The following LRRFIP1 variants were observed in gnomAD, a reference collection of about 807,000 sequenced individuals.
LRRFIP1 encodes LRR binding FLII interacting protein 1, also known as leucine-rich repeat flightless-interacting protein 1.
In LRRFIP1, 62 loss-of-function variants were observed where a neutral mutation model predicts 104.4. That is an observed-to-expected ratio of 0.59 (90% CI 0.48 to 0.73). The LOEUF (loss-of-function observed/expected upper bound fraction) is 0.73, where lower values mean the gene tolerates loss of function less well. Ranked by LOEUF, LRRFIP1 falls within the 30% of genes least tolerant of loss-of-function variation. The pLI is 0.00. For synonymous variants in LRRFIP1, 300 were observed against 299.0 expected (o/e 1.00, Z -0.03); for missense variants, 796 against 824.5 (o/e 0.97, Z 0.42).
intron 1 of LRRFIP1, among the ~76,000 whole-genome samples, chr2:237,685,067 C>T (rs1035964484): frequency 5.3e-5 from 8 of 151,882 alleles, no homozygotes; most frequent in African/African-American, 1.9e-4. Flanking sequence ...CATTGCACTC[C>T]AACCTGACAC....
At chr2:237,658,990 C>T (rs925314462) in intron 1 of LRRFIP1, among the ~76,000 whole-genome samples, 1 of 152,062 alleles carries the variant, frequency 6.6e-6, no homozygotes, top group Admixed American at 6.5e-5. Flanking sequence ...GTCAATGGTA[C>T]AAAACGGAAA....
intron 1 of LRRFIP1, among the ~76,000 whole-genome samples, chr2:237,670,209 G>A (rs746031089): frequency 6.6e-6 from 1 of 152,240 alleles, no homozygotes; most frequent in Non-Finnish European, 1.5e-5. Context: ...AAGCAGTGTC[G>A]ATCAACAGGA....
chr2:237,695,061 G>T (rs1371908079), intron 1 of LRRFIP1, among the ~76,000 whole-genome samples: 1 of 152,192 alleles, frequency 6.6e-6, no homozygotes, highest in Non-Finnish European at 1.5e-5. Flanking sequence ...AGGCGGGCTG[G>T]CCCTGCTCTA....
At chr2:237,707,461 G>GAAAAAAA (rs112902148) in intron 1 of LRRFIP1, among the ~76,000 whole-genome samples, 1 of 82,544 alleles carries the variant, frequency 1.2e-5, no homozygotes, top group Non-Finnish European at 3.0e-5. Flanking sequence ...AAAGGAAAAA[G>GAAAAAAA]AAAAAAAAAA....
intron 2 of LRRFIP1, among the ~76,000 whole-genome samples, chr2:237,712,564 T>C (rs1452888655): frequency 6.6e-6 from 1 of 152,242 alleles, no homozygotes; most frequent in Non-Finnish European, 1.5e-5. Context: ...AGCTGTGCTT[T>C]TATGTGACCC....
At chr2:237,698,376 G>A (rs531887665) in intron 1 of LRRFIP1, among the ~76,000 whole-genome samples, 1 of 152,362 alleles carries the variant, frequency 6.6e-6, no homozygotes, top group African/African-American at 2.4e-5. Flanking sequence ...CAAGCTGGAG[G>A]CTGTGGCTGG....
At chr2:237,765,435 TAAAAAAAA>T (rs60482580) in intron 19 of LRRFIP1, 10 of 453,648 alleles carry the variant, frequency 2.2e-5, no homozygotes, top group African/African-American at 3.7e-5. Context: ...ACACTGTCTC[TAAAAAAAA>T]AAAAAAAAAA....
chr2:237,712,639 G>T (rs1305341280), intron 2 of LRRFIP1, among the ~76,000 whole-genome samples: 1 of 151,934 alleles, frequency 6.6e-6, no homozygotes, highest in Non-Finnish European at 1.5e-5. Context: ...GTGTGTGCGT[G>T]TGCATGTGTG....
rs759357091 is a variant in LRRFIP1, at chr2:237,779,493, A to G, written c.1884A>G (p.Lys628=). 1.9e-6 allele frequency: 3 copies of G among 1,613,748 alleles called. No homozygotes were observed. Among genetic ancestry groups the G allele is most frequent in the Non-Finnish European group, 2.5e-6 (3 of 1,179,720 alleles). ...GCCACTTAGTGAAGCGTCTGGAAAA[A>G]ATGAAAGCAAATCGGAGTGCACTCT... ...SNGHLVKRLE[K]MKANRSALLS... is the part of the protein sequence containing the mutation. Residue 628 remains lysine (K), a synonymous_variant, in exon 24 of 24, where the codon AAA becomes AAG. Coordinates refer to ENST00000308482, the MANE Select transcript of LRRFIP1 (RefSeq NM_001137550.2).
chr2:237,723,684 C>T, intron 7 of LRRFIP1, 98 bp downstream of exon 7: 1 of 1,471,108 alleles, frequency 6.8e-7, no homozygotes, highest in Non-Finnish European at 9.5e-7. Flanking sequence ...TGCTTTGTCT[C>T]CAGTTTTTGC....
At chr2:237,757,873 T>A (rs1245571901) in intron 17 of LRRFIP1, among the ~76,000 whole-genome samples, 2 of 151,848 alleles carry the variant, frequency 1.3e-5, no homozygotes, top group Non-Finnish European at 2.9e-5. Context: ...GGAGGTCTGA[T>A]GTGTGCAAGT....
chr2:237,770,518 G>C (rs552914066), intron 20 of LRRFIP1: 8 of 155,192 alleles, frequency 5.2e-5, no homozygotes, highest in Admixed American at 1.9e-4. Flanking sequence ...AGCAGGCCAG[G>C]TGCAGTGGCT....
intron 1 of LRRFIP1, among the ~76,000 whole-genome samples, chr2:237,699,480 G>A (rs1409886027): frequency 6.6e-6 from 1 of 151,888 alleles, no homozygotes; most frequent in Non-Finnish European, 1.5e-5. Context: ...AGCCTCCTGA[G>A]TAGCTGGGAT....
intron 1 of LRRFIP1, among the ~76,000 whole-genome samples, chr2:237,645,921 T>C (rs2084837961): frequency 6.6e-6 from 1 of 151,974 alleles, no homozygotes; most frequent in Admixed American, 6.6e-5. Context: ...GCAAATGGAC[T>C]GGTCCCTAAG....
chr2:237,716,043 A>G (rs2094321814), intron 3 of LRRFIP1, among the ~76,000 whole-genome samples: 1 of 152,240 alleles, frequency 6.6e-6, no homozygotes, highest in Admixed American at 6.5e-5. Context: ...AAAGAAATCT[A>G]TGAAAACAGA....
chr2:237,692,463 G>C, intron 1 of LRRFIP1: 1 of 1,531,330 alleles, frequency 6.5e-7, no homozygotes, highest in Non-Finnish European at 8.8e-7. Flanking sequence ...AGGATGACCA[G>C]CCCCGCGGCC....
In LRRFIP1 at chr2:237,642,129, G is replaced by A. The variant is rs766114773; in HGVS notation, c.96+14389G>A. ...GTCTCAGTGTTTCCACCTGGCAAGGGGAGGCGATACTGGGTGGCTGTGAGG... is the reference window on the plus strand; with the variant it reads ...GTCTCAGTGTTTCCACCTGGCAAGGAGAGGCGATACTGGGTGGCTGTGAGG... On this transcript the variant is annotated intron_variant, in intron 1 of 23. Coordinates refer to ENST00000308482, the MANE Select transcript of LRRFIP1 (RefSeq NM_001137550.2). Among the ~76,000 whole-genome samples, 4 of 152,210 alleles carry A rather than the reference G, an allele frequency of 2.6e-5. No homozygotes were observed. The East Asian group carries it at 5.8e-4, about 22-fold the overall frequency.
chr2:237,628,329 A>G (rs561921732), intron 1 of LRRFIP1, among the ~76,000 whole-genome samples: 1 of 152,364 alleles, frequency 6.6e-6, no homozygotes, highest in African/African-American at 2.4e-5. Context: ...AAACGTCTTC[A>G]TTAAAGTTTC....
chr2:237,757,683 A>T (rs1364059414), intron 17 of LRRFIP1, 135 bp downstream of exon 17: 1 of 676,400 alleles, frequency 1.5e-6, no homozygotes. Context: ...AAGTCGTATT[A>T]ATTTATTTAA....
Sources: gnomAD v4.1 joint callset for allele counts (sites outside exome capture counted in the v4.1 genomes callset) on GRCh38, gnomAD v4.1.1 for gene constraint, MANE v1.5 for transcripts, NCBI Gene and HGNC (gene_info 2026-07-23, HGNC 2026-07-21) for gene names.